Variants in RABGAP1 observed in about 807,000 individuals in gnomAD.
RABGAP1 encodes the protein RAB GTPase activating protein 1, also known as rab GTPase-activating protein 1.
A neutral mutation model predicts 137.6 loss-of-function variants in RABGAP1; 23 were observed. The ratio of observed to expected loss-of-function variants is 0.17; its 90% CI spans 0.12 to 0.24. RABGAP1 has a LOEUF of 0.24. RABGAP1 is among the 10% of genes least tolerant of loss of function. RABGAP1 has a pLI of 1.00. For missense variants in RABGAP1, 906 were observed against 1,275.8 expected (o/e 0.71, Z 4.42); for synonymous variants, 451 against 450.7 (o/e 1.00, Z -0.01).
intron 19 of RABGAP1, among the ~76,000 whole-genome samples, chr9:123,086,406 C>T (rs1041840515): frequency 6.6e-6 from 1 of 152,152 alleles, no homozygotes; most frequent in African/African-American, 2.4e-5. Flanking sequence ...ACAGTTCTGG[C>T]CTGGAGAAGA....
chr9:123,027,091 ATTTC>A (rs2032013034), intron 13 of RABGAP1, among the ~76,000 whole-genome samples: 2 of 146,034 alleles, frequency 1.4e-5, no homozygotes, highest in Middle Eastern at 3.6e-3. Context: ...CAATATTTAC[ATTTC>A]TTTCTTTCTT....
chr9:123,009,467 A>G (rs536478223), intron 10 of RABGAP1, among the ~76,000 whole-genome samples: 2 of 152,106 alleles, frequency 1.3e-5, no homozygotes, highest in East Asian at 1.9e-4. Context: ...GTATGTGTGT[A>G]TATATATATT....
intron 19 of RABGAP1, among the ~76,000 whole-genome samples, chr9:123,079,760 T>C (rs1321185385): frequency 2.0e-5 from 3 of 152,102 alleles, no homozygotes; most frequent in Admixed American, 1.3e-4. Context: ...ATGGCTTCAC[T>C]GTCCCCTCAT....
chr9:122,954,702 A>T (rs564790800), intron 1 of RABGAP1, among the ~76,000 whole-genome samples: 1 of 152,304 alleles, frequency 6.6e-6, no homozygotes, highest in East Asian at 1.9e-4. Context: ...AAATTCTAAA[A>T]AAAAGATAAA....
At chr9:122,934,545 C>T in the RABGAP1 span, among the ~76,000 whole-genome samples, 17 of 152,202 alleles carry the variant, frequency 1.1e-4, no homozygotes, top group African/African-American at 4.1e-4. Flanking sequence ...CTCTGTTGCC[C>T]AGGCTGGATT....
chr9:122,985,779 A>G (rs751406079), intron 3 of RABGAP1, among the ~76,000 whole-genome samples: 35 of 152,290 alleles, frequency 2.3e-4, no homozygotes, highest in South Asian at 8.3e-4. Context: ...TAATAGCACT[A>G]TATTTTGAGT....
At chr9:123,074,198 G>T in intron 16 of RABGAP1, 87 bp from the exon 17 acceptor site, 1 of 1,488,580 alleles carries the variant, frequency 6.7e-7, no homozygotes. Context: ...TTACTTTTTT[G>T]GCCTATTCCT....
intron 13 of RABGAP1, among the ~76,000 whole-genome samples, chr9:123,030,336 G>T (rs1420879400): frequency 1.3e-5 from 2 of 152,094 alleles, no homozygotes; most frequent in Non-Finnish European, 2.9e-5. Flanking sequence ...AATCAATATG[G>T]TTCTGAGAGT....
At chr9:123,086,516 G>A (rs962801340) in intron 19 of RABGAP1, among the ~76,000 whole-genome samples, 1 of 152,146 alleles carries the variant, frequency 6.6e-6, no homozygotes, top group East Asian at 1.9e-4. Context: ...GCACCTTCTG[G>A]TTCCCCATTC....
intron 19 of RABGAP1, 162 bp downstream of exon 19, chr9:123,076,924 T>C (rs1564179827): frequency 2.6e-6 from 1 of 379,326 alleles, no homozygotes; most frequent in Non-Finnish European, 3.8e-6. Context: ...TGATGTTTTC[T>C]TCTGTATTAT....
intron 2 of RABGAP1, among the ~76,000 whole-genome samples, chr9:122,972,661 A>G (rs1835530239): frequency 1.3e-5 from 2 of 152,186 alleles, no homozygotes; most frequent in East Asian, 3.8e-4. Context: ...GCCGTATTTA[A>G]TTTTCAACAT....
chr9:122,976,251 G>C (rs1256481159), intron 2 of RABGAP1, among the ~76,000 whole-genome samples: 1 of 152,140 alleles, frequency 6.6e-6, no homozygotes, highest in Non-Finnish European at 1.5e-5. Context: ...CTAAAGAACT[G>C]TTCCTTTTAA....
intron 19 of RABGAP1, among the ~76,000 whole-genome samples, chr9:123,077,885 A>G (rs1300113517): frequency 6.6e-6 from 1 of 152,116 alleles, no homozygotes; most frequent in Non-Finnish European, 1.5e-5. Flanking sequence ...AACTCAGATT[A>G]CCCTTCTTTT....
intron 13 of RABGAP1, chr9:123,029,828 C>G (rs956997893): frequency 2.4e-6 from 1 of 408,680 alleles, no homozygotes; most frequent in South Asian, 2.2e-5. Context: ...CTCATTTTTA[C>G]CAAATAATAA....
At chr9:123,071,517 G>A (rs2034355424) in intron 15 of RABGAP1, 1 of 152,184 alleles carries the variant, frequency 6.6e-6, no homozygotes, top group South Asian at 2.1e-4. Context: ...TAAGAGACAT[G>A]GTCTCAATCC....
At chr9:123,027,997 T>C (rs1353639792) in intron 13 of RABGAP1, among the ~76,000 whole-genome samples, 1 of 152,238 alleles carries the variant, frequency 6.6e-6, no homozygotes, top group Non-Finnish European at 1.5e-5. Context: ...TTCCTTTGTG[T>C]GAGTTTATGT....
intron 10 of RABGAP1, among the ~76,000 whole-genome samples, chr9:123,000,840 A>G (rs974280417): frequency 3.3e-5 from 5 of 151,164 alleles, no homozygotes; most frequent in Non-Finnish European, 7.4e-5. Flanking sequence ...TACCCATCAT[A>G]CTGTTTCTGT....
At chr9:123,001,269 G>T (rs985783029) in intron 10 of RABGAP1, among the ~76,000 whole-genome samples, 5 of 152,086 alleles carry the variant, frequency 3.3e-5, no homozygotes, top group Admixed American at 6.6e-5. Flanking sequence ...TTCTTAATCT[G>T]TCTTATTTGG....
rs753169989 is a variant in RABGAP1, at chr9:123,076,292, CATTT to C, written c.2295+14_2295+17del. 1.9e-6 allele frequency: 3 copies of C among 1,605,304 alleles called. No individual in the cohort carries two copies. The highest frequency in any genetic ancestry group is 2.2e-5 in the East Asian group (1 of 44,732). On this transcript the variant is annotated splice_region_variant and intron_variant, in intron 18 of 25. Transcript: ENST00000373647. ...TCGCCCTTGGATTATTAAAGGTACTCATTTATTTATTAGCTGAGTTATCTGTCAT... is the reference window on the plus strand; with the variant it reads ...TCGCCCTTGGATTATTAAAGGTACTCATTTATTAGCTGAGTTATCTGTCAT...
Sources: allele counts gnomAD v4.1 joint callset (sites outside exome capture counted in the v4.1 genomes callset), GRCh38; gene constraint gnomAD v4.1.1; transcripts MANE v1.5; gene names NCBI Gene and HGNC (gene_info 2026-07-23, HGNC 2026-07-21).